SNX13: variants seen among roughly 807,000 people sequenced by gnomAD.
SNX13 encodes sorting nexin 13, also known as sorting nexin-13.
SNX13 carries 45 observed loss-of-function variants against 133.6 expected under a neutral mutation model. The observed-to-expected ratio is 0.34, with a 90% CI of 0.27 to 0.43. The LOEUF (loss-of-function observed/expected upper bound fraction) is 0.43, where lower values mean the gene tolerates loss of function less well. Ranked by LOEUF, SNX13 falls within the 20% of genes least tolerant of loss-of-function variation. SNX13 has a pLI of 1.00. For synonymous variants in SNX13, 414 were observed against 373.9 expected (o/e 1.11, Z -1.24); for missense variants, 1,032 against 1,145.1 (o/e 0.90, Z 1.43).
intron 1 of SNX13, among the ~76,000 whole-genome samples, chr7:17,908,849 T>A (rs1798649029): frequency 6.6e-6 from 1 of 152,112 alleles, no homozygotes; most frequent in Admixed American, 6.5e-5. Flanking sequence ...GAACATATCA[T>A]CTGACTCAGC....
intron 11 of SNX13, among the ~76,000 whole-genome samples, chr7:17,848,455 T>C (rs78004750): frequency 0.025 from 3,820 of 152,278 alleles, 63 homozygotes; most frequent in Middle Eastern, 0.041. Flanking sequence ...AGCCGCCTCA[T>C]GCAAAAAGGC....
chr7:17,855,144 C>G (rs905823366), intron 9 of SNX13, among the ~76,000 whole-genome samples: 1 of 152,116 alleles, frequency 6.6e-6, no homozygotes, highest in Non-Finnish European at 1.5e-5. Flanking sequence ...AAGCCTATTC[C>G]AGAGCAAGGC....
chr7:17,868,553 A>G (rs1583551811), intron 8 of SNX13, 63 bp from the exon 9 acceptor site: 1 of 1,249,976 alleles, frequency 8.0e-7, no homozygotes, highest in Non-Finnish European at 1.1e-6. Context: ...AGCATAATGT[A>G]AATATTCTAA....
chr7:17,935,211 T>C (rs1322962937), intron 1 of SNX13, among the ~76,000 whole-genome samples: 1 of 152,208 alleles, frequency 6.6e-6, no homozygotes, highest in Non-Finnish European at 1.5e-5. Flanking sequence ...TTCTGTCACT[T>C]GCTACAACAT....
rs1470304444 is a variant in SNX13, at chr7:17,798,745, G to T, written c.2458C>A (p.His820Asn). 1 of 1,556,462 alleles carries T rather than the reference G, an allele frequency of 6.4e-7. No individual in the cohort carries two copies. The highest frequency in any genetic ancestry group is 2.2e-5 in the Admixed American group (1 of 45,110). ...TCAGGTGAAGTCATCCAGTCAACAT[G>T]GTCAACTATTTTTCTGAAAGTAAAT... ...GDTINRKIVD[H>N]VDWMTSPEQV... The change falls in exon 24 of 26, where the codon CAT (histidine) becomes AAT (asparagine). Residue 820 changes from histidine (H) to asparagine (N), a missense_variant. By Grantham distance (68) the His-to-Asn change is moderately conservative. Transcript: ENST00000428135.
rs1258368162 is a variant in SNX13 at position 17,791,961 on chromosome 7, G to C, written c.*2084C>G. 1 of 152,070 alleles carries C rather than the reference G, an allele frequency of 6.6e-6. No homozygotes were observed. The highest frequency in any genetic ancestry group is 2.4e-5 in the African/African-American group (1 of 41,432). The allele number at this position is 152,070 out of a possible 1,614,324, so 9.4% of individuals were successfully genotyped here. A position where few individuals can be genotyped will look rare whatever the true frequency, so the allele number is the denominator to read the frequency against. On this transcript the variant is annotated 3_prime_UTR_variant, in exon 26 of 26. Transcript: ENST00000428135. ...CTTTAAAAATCCATTTACTCAAATA[G>C]TTTTTGGTATGATTGCAGTTATCTT...
chr7:17,855,072 T>G (rs1219650907), intron 9 of SNX13, among the ~76,000 whole-genome samples: 1 of 152,164 alleles, frequency 6.6e-6, no homozygotes, highest in African/African-American at 2.4e-5. Flanking sequence ...TATGGTGATA[T>G]GGAGAAAGTA....
chr7:17,905,465 T>A (rs575313420), intron 1 of SNX13, among the ~76,000 whole-genome samples: 8 of 152,194 alleles, frequency 5.3e-5, no homozygotes, highest in Non-Finnish European at 1.0e-4. Flanking sequence ...GAAAAGATAA[T>A]GCCTTTAGAG....
chr7:17,910,036 T>G (rs924992272), intron 1 of SNX13, among the ~76,000 whole-genome samples: 1 of 152,162 alleles, frequency 6.6e-6, no homozygotes, highest in Non-Finnish European at 1.5e-5. Context: ...CCCTACAAAC[T>G]GACTCCTAGA....
At chr7:17,922,784 C>G (rs1484647855) in intron 1 of SNX13, among the ~76,000 whole-genome samples, 1 of 152,028 alleles carries the variant, frequency 6.6e-6, no homozygotes, top group Non-Finnish European at 1.5e-5. Flanking sequence ...AGAAAATTAT[C>G]AAGGCAGAAA....
intron 11 of SNX13, among the ~76,000 whole-genome samples, chr7:17,847,419 C>T (rs1218735465): frequency 6.6e-6 from 1 of 152,104 alleles, no homozygotes; most frequent in Non-Finnish European, 1.5e-5. Flanking sequence ...GCAACCTCTG[C>T]CTCCCAGGTT....
intron 16 of SNX13, among the ~76,000 whole-genome samples, chr7:17,828,812 A>AT (rs762710067): frequency 6.6e-6 from 1 of 151,478 alleles, no homozygotes; most frequent in Non-Finnish European, 1.5e-5. Context: ...AAGAAAAAAA[A>AT]TTTTTTACTA....
chr7:17,860,727 A>G (rs968954572), intron 9 of SNX13, among the ~76,000 whole-genome samples: 1 of 152,120 alleles, frequency 6.6e-6, no homozygotes, highest in East Asian at 1.9e-4. Context: ...ATTCTTTCCC[A>G]TTTTGTAGCC....
chr7:17,917,290 C>T (rs978409670), intron 1 of SNX13, among the ~76,000 whole-genome samples: 3 of 152,086 alleles, frequency 2.0e-5, no homozygotes, highest in African/African-American at 7.2e-5. Flanking sequence ...TCCTATTTAA[C>T]ATAGTACCAG....
At chr7:17,842,028 A>T (rs1338819132) in intron 12 of SNX13, among the ~76,000 whole-genome samples, 1 of 151,990 alleles carries the variant, frequency 6.6e-6, no homozygotes, top group African/African-American at 2.4e-5. Flanking sequence ...TACATATGGG[A>T]GTTCTATAAG....
intron 9 of SNX13, among the ~76,000 whole-genome samples, chr7:17,857,801 A>G (rs1486090923): frequency 1.3e-5 from 2 of 152,172 alleles, no homozygotes; most frequent in Non-Finnish European, 1.5e-5. Context: ...AACTTAATTC[A>G]ACAACACATT....
intron 14 of SNX13, among the ~76,000 whole-genome samples, chr7:17,834,442 T>A (rs368522622): frequency 3.6e-4 from 54 of 151,984 alleles, no homozygotes; most frequent in African/African-American, 1.2e-3. Flanking sequence ...CAAGTACATG[T>A]AAAGGTTCAA....
intron 5 of SNX13, among the ~76,000 whole-genome samples, chr7:17,884,273 G>A (rs1487601422): frequency 3.3e-5 from 5 of 152,056 alleles, no homozygotes; most frequent in Non-Finnish European, 7.4e-5. Context: ...GTGGGTCTAT[G>A]GCTGAAAATA....
chr7:17,869,503 A>T (rs1195443169), intron 8 of SNX13, among the ~76,000 whole-genome samples: 2 of 152,100 alleles, frequency 1.3e-5, no homozygotes, highest in Non-Finnish European at 2.9e-5. Context: ...ATATTGGGGG[A>T]GGTTAAATAA....
Sources: gnomAD v4.1 joint callset for allele counts (sites outside exome capture counted in the v4.1 genomes callset) on GRCh38, gnomAD v4.1.1 for gene constraint, MANE v1.5 for transcripts, NCBI Gene and HGNC (gene_info 2026-07-23, HGNC 2026-07-21) for gene names.